Variants in RIT2 observed in about 807,000 individuals in gnomAD.
The protein encoded by RIT2 is GTP-binding protein Rit2.
In RIT2, 24 loss-of-function variants were observed where a neutral mutation model predicts 23.7. That is an observed-to-expected ratio of 1.01 (90% CI 0.73 to 1.43). RIT2 has a LOEUF of 1.43. RIT2 is among the 40% of genes most tolerant of loss of function. RIT2 has a pLI of 0.00. For missense variants in RIT2, 236 were observed against 266.9 expected, an observed-to-expected ratio of 0.88 and a Z score of 0.81; for synonymous variants, 107 against 91.1, an observed-to-expected ratio of 1.17 and a Z score of -0.99.
chr18:42,916,531 G>A (rs1006141838), intron 4 of RIT2, among the ~76,000 whole-genome samples: 1 of 152,104 alleles, frequency 6.6e-6, no homozygotes, highest in Non-Finnish European at 1.5e-5. Flanking sequence ...ATATCAGAAA[G>A]CTCCCTGGGC....
At chr18:43,071,497 T>C (rs1035370782) in intron 1 of RIT2, among the ~76,000 whole-genome samples, 2 of 152,188 alleles carry the variant, frequency 1.3e-5, no homozygotes, top group African/African-American at 4.8e-5. Flanking sequence ...TTTTCTTCCA[T>C]TGTTAATATA....
At chr18:42,875,483 G>GACT (rs1907722646) in intron 4 of RIT2, among the ~76,000 whole-genome samples, 1 of 151,854 alleles carries the variant, frequency 6.6e-6, no homozygotes, top group Admixed American at 6.6e-5. Flanking sequence ...ATTTCTCCAT[G>GACT]ACTAGCAAAC....
chr18:42,943,173 C>A (rs1909645614), intron 3 of RIT2, among the ~76,000 whole-genome samples: 1 of 152,084 alleles, frequency 6.6e-6, no homozygotes, highest in African/African-American at 2.4e-5. Flanking sequence ...CGCCCATGTT[C>A]TGTTTCTGTC....
chr18:42,764,188 T>A (rs1201365532), intron 4 of RIT2, among the ~76,000 whole-genome samples: 1 of 152,218 alleles, frequency 6.6e-6, no homozygotes, highest in Non-Finnish European at 1.5e-5. Flanking sequence ...GCTAAGTTAG[T>A]GTTCTGCAAA....
rs564285735 is a variant in RIT2, at chr18:42,923,876, AT to A, written c.235-114del. On this transcript the variant is annotated intron_variant, in intron 3 of 4. Transcript: ENST00000326695. ...ATGTTTTAAACTATTAAGAATATTG[AT>A]ATTTAATCATAGGAGATTTCATTTA... 167 of 823,536 alleles carry A rather than the reference AT, an allele frequency of 2.0e-4. 2 individuals are homozygous for A. The African/African-American group carries it at 2.0e-3, about 10-fold the overall frequency. The allele number at this position is 823,536 out of a possible 1,614,324, so 51.0% of individuals were successfully genotyped here. A position where few individuals can be genotyped will look rare whatever the true frequency, so the allele number is the denominator to read the frequency against.
At chr18:42,984,502 T>C (rs1007188100) in intron 2 of RIT2, among the ~76,000 whole-genome samples, 1 of 152,056 alleles carries the variant, frequency 6.6e-6, no homozygotes, top group Non-Finnish European at 1.5e-5. Flanking sequence ...ATCCTGTTTG[T>C]GACACTTCGT....
At chr18:42,909,296 C>T (rs1030176827) in intron 4 of RIT2, among the ~76,000 whole-genome samples, 3 of 152,092 alleles carry the variant, frequency 2.0e-5, no homozygotes, top group East Asian at 1.9e-4. Context: ...ATAAGAGTGA[C>T]GTAATGGACT....
chr18:43,090,583 C>T lies in RIT2; in HGVS notation c.103+24834G>A, dbSNP rs144348776. Among the ~76,000 whole-genome samples, 8 of 152,042 alleles carry T rather than the reference C, an allele frequency of 5.3e-5. No individual in the cohort carries two copies. The East Asian group carries it at 7.7e-4, about 15-fold the overall frequency. Reference sequence around the variant, plus strand: ...ACACATGCACATGTATGTTCCTTACCGCACTATTCACAATATCAAAAACAT... The same window carrying T: ...ACACATGCACATGTATGTTCCTTACTGCACTATTCACAATATCAAAAACAT... On this transcript the variant is annotated intron_variant, in intron 1 of 4. Coordinates refer to ENST00000326695, the MANE Select transcript of RIT2 (RefSeq NM_002930.4).
At chr18:42,989,795 A>G (rs1363873961) in intron 2 of RIT2, among the ~76,000 whole-genome samples, 1 of 152,176 alleles carries the variant, frequency 6.6e-6, no homozygotes, top group African/African-American at 2.4e-5. Context: ...TGATTAGATG[A>G]GACAAAATAA....
intron 1 of RIT2, among the ~76,000 whole-genome samples, chr18:43,057,698 T>C (rs1912538123): frequency 6.6e-6 from 1 of 151,872 alleles, no homozygotes; most frequent in Non-Finnish European, 1.5e-5. Context: ...TATAGCACCT[T>C]ATAGTTTTCC....
chr18:42,946,949 C>A (rs1909742513), intron 3 of RIT2, among the ~76,000 whole-genome samples: 1 of 152,016 alleles, frequency 6.6e-6, no homozygotes, highest in African/African-American at 2.4e-5. Context: ...TCCAGAATTT[C>A]TTTGCCTAGC....
intron 1 of RIT2, among the ~76,000 whole-genome samples, chr18:43,065,998 A>G (rs1912763186): frequency 6.6e-6 from 1 of 152,180 alleles, no homozygotes; most frequent in African/African-American, 2.4e-5. Flanking sequence ...TAATTTTATG[A>G]CAACAAATTT....
At chr18:43,082,663 C>T (rs1405851818) in intron 1 of RIT2, among the ~76,000 whole-genome samples, 6 of 150,858 alleles carry the variant, frequency 4.0e-5, no homozygotes, top group African/African-American at 7.3e-5. Context: ...AAAAGGCTTT[C>T]GATAAAATTC....
intron 1 of RIT2, among the ~76,000 whole-genome samples, chr18:43,088,549 A>C (rs1913341786): frequency 6.6e-6 from 1 of 152,164 alleles, no homozygotes; most frequent in African/African-American, 2.4e-5. Flanking sequence ...AAAATATACA[A>C]AGTTGTAGCA....
intron 4 of RIT2, among the ~76,000 whole-genome samples, chr18:42,783,624 A>G (rs975621433): frequency 6.6e-6 from 1 of 152,116 alleles, no homozygotes; most frequent in Non-Finnish European, 1.5e-5. Flanking sequence ...GGTGAGAGCT[A>G]CATGTGAAAT....
intron 4 of RIT2, among the ~76,000 whole-genome samples, chr18:42,836,763 T>C (rs1906616583): frequency 6.6e-6 from 1 of 152,242 alleles, no homozygotes; most frequent in Non-Finnish European, 1.5e-5. Context: ...TATATCATCC[T>C]GTTTCCCATC....
At position 43,019,269 on chromosome 18, in the gene RIT2, T is replaced by A. The variant is rs569378700; in HGVS notation, c.160+14542A>T. Among the ~76,000 whole-genome samples, 12 of 151,802 alleles carry A rather than the reference T, an allele frequency of 7.9e-5. No individual in the cohort carries two copies. In the East Asian group the frequency reaches 2.3e-3, roughly 30 times the overall value. Reference sequence around the variant, plus strand: ...TGCAGGCCAATATCCCTAAAAAACATAGATACAAAAATTCTCAAAAAAATA... The same window carrying A: ...TGCAGGCCAATATCCCTAAAAAACAAAGATACAAAAATTCTCAAAAAAATA... On this transcript the variant is annotated intron_variant, in intron 2 of 4. Coordinates refer to ENST00000326695, the MANE Select transcript of RIT2 (RefSeq NM_002930.4).
At chr18:43,047,721 C>T (rs8091622) in intron 1 of RIT2, among the ~76,000 whole-genome samples, 121,144 of 152,090 alleles carry the variant, frequency 0.8, 50,010 homozygotes, top group Non-Finnish European at 0.93. Flanking sequence ...GCCAGGGGCT[C>T]AGAGAGATGG....
intron 1 of RIT2, among the ~76,000 whole-genome samples, chr18:43,076,104 A>G (rs1913007411): frequency 6.6e-6 from 1 of 152,210 alleles, no homozygotes; most frequent in Non-Finnish European, 1.5e-5. Context: ...TCTAAGCTCT[A>G]TTCAATTTCC....
Sources: allele counts gnomAD v4.1 joint callset (sites outside exome capture counted in the v4.1 genomes callset), GRCh38; gene constraint gnomAD v4.1.1; transcripts MANE v1.5; gene names NCBI Gene and HGNC (gene_info 2026-07-23, HGNC 2026-07-21).